Variants in LRP1 observed in about 807,000 individuals in gnomAD.
LRP1 encodes prolow-density lipoprotein receptor-related protein 1.
Under a neutral mutation model 541.5 loss-of-function variants are expected in LRP1, and 51 were observed. The ratio of observed to expected loss-of-function variants is 0.09; its 90% confidence interval spans 0.08 to 0.12. The LOEUF is 0.12. Among genes scored for constraint, LRP1 ranks in the 10% least tolerant of loss-of-function variants. The probability of loss-of-function intolerance (pLI) is 1.00; values close to 1 mark genes in which losing one functional copy is unlikely to be tolerated. For missense variants in LRP1, 3,878 were observed against 6,376.2 expected (o/e 0.61, Z 13.34); for synonymous variants, 2,219 against 2,470.8 (o/e 0.90, Z 3.02).
intron 60 of LRP1, 59 bp downstream of exon 60, chr12:57,198,729 A>C: frequency 6.7e-7 from 1 of 1,488,976 alleles, no homozygotes; most frequent in Non-Finnish European, 9.2e-7. Context: ...GGAGGTCTGA[A>C]GCGACAGGGG....
At chr12:57,175,192 A>G (rs1202805496) in intron 22 of LRP1, among the ~76,000 whole-genome samples, 1 of 151,972 alleles carries the variant, frequency 6.6e-6, no homozygotes, top group African/African-American at 2.4e-5. Flanking sequence ...GAGACCAGAC[A>G]GAGATATTGA....
rs2035585948 is a variant in LRP1, at chr12:57,154,689, C to T, written c.1215C>T (p.Ile405=). 3 of 1,560,542 alleles carry T rather than the reference C, an allele frequency of 1.9e-6. No homozygotes were observed. The change falls in exon 8 of 89, where the codon ATC becomes ATT. Residue 405 remains isoleucine (I), a synonymous_variant. Coordinates refer to ENST00000243077, the MANE Select transcript of LRP1 (RefSeq NM_002332.3). This position sits in a 1 kb window ranked among gnomAD's most constrained non-coding sequence, Gnocchi z 4.6. ...DYEGKGRQTI[I]QGILIEHLYG... Reference sequence around the variant, plus strand: ...AGGGCAAGGGCCGCCAGACCATCATCCAGGGCATCCTGGTGAGGGAGCTAC... The same window carrying T: ...AGGGCAAGGGCCGCCAGACCATCATTCAGGGCATCCTGGTGAGGGAGCTAC...
At chr12:57,194,260 G>T in intron 48 of LRP1, 94 bp from the exon 49 acceptor site, 2 of 1,398,252 alleles carry the variant, frequency 1.4e-6, no homozygotes, top group Non-Finnish European at 1.9e-6. Flanking sequence ...TTCAACTTTT[G>T]GAAACACATG....
intron 6 of LRP1, among the ~76,000 whole-genome samples, chr12:57,153,623 G>A (rs1450109250): frequency 6.6e-6 from 1 of 152,202 alleles, no homozygotes; most frequent in Admixed American, 6.5e-5. Context: ...AGTAGAGGAA[G>A]TTTGGCCCAT....
In LRP1 at chr12:57,173,479, CA is replaced by C; in HGVS notation, c.3346+133del. The C allele has an allele frequency of 2.9e-6, 3 of 1,028,848 alleles. No homozygotes were observed. The highest frequency in any genetic ancestry group is 4.2e-6 in the Non-Finnish European group (3 of 711,986). The allele number at this position is 1,028,848 out of a possible 1,614,324, so 63.7% of individuals were successfully genotyped here. ...GAGTGGTGCTGGGGACAGTGCAAGG[CA>C]AAAGGCAGTCCAGAGGAAGCTTGTG... On this transcript the variant is annotated intron_variant, in intron 21 of 88. Transcript: ENST00000243077. The surrounding 1 kb of genome is among the most constrained non-coding windows in gnomAD (Gnocchi z 4.7).
At chr12:57,138,313 A>C in intron 1 of LRP1, 146 bp from the exon 2 acceptor site, 2 of 953,678 alleles carry the variant, frequency 2.1e-6, no homozygotes, top group South Asian at 1.8e-5. Context: ...CCACCCCCTG[A>C]CACCCCCAGG....
Position 57,152,221 on chromosome 12 carries a change from TA to T in LRP1, c.842-1986del, listed in dbSNP as rs1165835967. ...TCTCTCTTGCCAAGAGAAGGGTGGA[TA>T]GGGGGAGCAGGGGCAGGGTATTGCC... On this transcript the variant is annotated intron_variant, in intron 6 of 88. Transcript: ENST00000243077. Among the ~76,000 whole-genome samples the T allele has an allele frequency of 4.0e-5, 6 of 151,800 alleles. No homozygotes were observed. The East Asian group carries it at 7.8e-4, about 20-fold the overall frequency.
chr12:57,195,515 G>A (rs2036512780), intron 52 of LRP1, 116 bp downstream of exon 52: 1 of 1,568,046 alleles, frequency 6.4e-7, no homozygotes. Context: ...ACTGGGGGCG[G>A]AGCCATAGCT....
Position 57,158,645 on chromosome 12 carries a change from G to T in LRP1, c.1798+7G>T, listed in dbSNP as rs766167564. On this transcript the variant is annotated splice_region_variant and intron_variant, in intron 11 of 88. Coordinates refer to ENST00000243077, the MANE Select transcript of LRP1 (RefSeq NM_002332.3). The surrounding 1 kb of genome is among the most constrained non-coding windows in gnomAD (Gnocchi z 5.3). ...GAGACCATCCTGAAGGACGGTATGG[G>T]CTCCTAGGGATGTGGCCCATGGGGA... 5 of 1,612,440 alleles carry T rather than the reference G, an allele frequency of 3.1e-6. No homozygotes were observed. Among genetic ancestry groups the T allele is most frequent in the Non-Finnish European group, 4.2e-6 (5 of 1,178,672 alleles).
chr12:57,207,373 G>A (rs773861545), intron 76 of LRP1, among the ~76,000 whole-genome samples: 39 of 151,432 alleles, frequency 2.6e-4, no homozygotes, highest in African/African-American at 4.6e-4. Flanking sequence ...GGTGGCGGGC[G>A]CCTGTAATCC....
intron 76 of LRP1, among the ~76,000 whole-genome samples, chr12:57,207,297 CTAAATAAATAAA>C (rs72030270): frequency 1.4e-4 from 19 of 134,458 alleles, no homozygotes; most frequent in African/African-American, 2.9e-4. Flanking sequence ...GACTCGGTCT[CTAAATAAATAAA>C]TAAATAAATA....
At position 57,210,140 on chromosome 12, in the gene LRP1, C is replaced by T; in HGVS notation, c.12551C>T (p.Pro4184Leu). 1.2e-6 allele frequency: 2 copies of T among 1,609,736 alleles called. No homozygotes were observed. The highest frequency in any genetic ancestry group is 1.7e-6 in the Non-Finnish European group (2 of 1,177,666). Residue 4184 changes from proline to leucine, a missense_variant, in exon 81 of 89, where the codon CCT (proline) becomes CTT (leucine). By Grantham distance (98) the Pro-to-Leu change is moderately conservative. Around this residue, in one of 13 missense-constraint regions of LRP1, gnomAD observed 871 missense variants for 1,212.4 expected, o/e 0.72. Transcript: ENST00000243077. ...CGGCTGGACAACGGCACATGCGTGC[C>T]TGTGCCCTCTCCAACGCCCCCCCCA... ...GKRLDNGTCVPVPSPTPPPDA... is the reference protein window; with the variant it reads ...GKRLDNGTCVLVPSPTPPPDA...
At position 57,208,802 on chromosome 12, in the gene LRP1, A is replaced by G; in HGVS notation, c.12130A>G (p.Ile4044Val). 1 of 1,613,862 alleles carries G rather than the reference A, an allele frequency of 6.2e-7. No homozygotes were observed. The highest frequency in any genetic ancestry group is 8.5e-7 in the Non-Finnish European group (1 of 1,179,848). ...TLRETLVQDNIQWPTGLAVDY... is the reference protein window; with the variant it reads ...TLRETLVQDNVQWPTGLAVDY... The stretch of plus-strand genomic sequence containing the variant: ...TCGGGAGACACTGGTGCAGGACAAC[A>G]TTCAGTGGCCCACAGGTTTGTGGGG... Residue 4044 changes from isoleucine (I) to valine (V), a missense_variant, in exon 78 of 89, where the codon ATT (isoleucine) becomes GTT (valine). Physicochemically the swap from Ile to Val is conservative, Grantham distance 29. Transcript: ENST00000243077.
Position 57,162,266 on chromosome 12 carries a change from G to A in LRP1, c.2203-51G>A, listed in dbSNP as rs1483267482. ...AATGTACAAAACAGTGATCTCACAGGCCTCCCTCAATTTTCTTCCAACTCC... is the reference window on the plus strand; with the variant it reads ...AATGTACAAAACAGTGATCTCACAGACCTCCCTCAATTTTCTTCCAACTCC... On this transcript the variant is annotated intron_variant, in intron 13 of 88. Coordinates refer to ENST00000243077, the MANE Select transcript of LRP1 (RefSeq NM_002332.3). The surrounding 1 kb of genome is among the most constrained non-coding windows in gnomAD (Gnocchi z 5.2). The A allele has an allele frequency of 1.4e-6, 2 of 1,444,970 alleles. No homozygotes were observed. The highest frequency in any genetic ancestry group is 1.9e-6 in the Non-Finnish European group (2 of 1,027,524). The allele number at this position is 1,444,970 out of a possible 1,614,324, so 89.5% of individuals were successfully genotyped here. A position where few individuals can be genotyped will look rare whatever the true frequency, so the allele number is the denominator to read the frequency against.
chr12:57,205,738 G>A lies in LRP1; in HGVS notation c.11590+61G>A, dbSNP rs2036763735. On this transcript the variant is annotated intron_variant, in intron 75 of 88. Coordinates refer to ENST00000243077, the MANE Select transcript of LRP1 (RefSeq NM_002332.3). This position sits in a 1 kb window ranked among gnomAD's most constrained non-coding sequence, Gnocchi z 4.6. ...GGGCAGGGCGACCAGGATATCAAAC[G>A]GGGCCGACTTGGAATGGAATGTCTT... The A allele has an allele frequency of 5.7e-6, 9 of 1,590,704 alleles. No individual in the cohort carries two copies. Among genetic ancestry groups the A allele is most frequent in the African/African-American group, 1.3e-5 (1 of 74,692 alleles).
At position 57,201,968 on chromosome 12, in the gene LRP1, G is replaced by C; in HGVS notation, c.10594+63G>C. ...CCTGGGTGGGAGGCATGGCACCCCT[G>C]GCAGGTGGAGGGCTGGGGGCCGCCT... On this transcript the variant is annotated intron_variant, in intron 67 of 88. Transcript: ENST00000243077. The surrounding 1 kb of genome is among the most constrained non-coding windows in gnomAD (Gnocchi z 6.4). The C allele has an allele frequency of 6.2e-7, 1 of 1,600,604 alleles. No homozygotes were observed. The highest frequency in any genetic ancestry group is 8.5e-7 in the Non-Finnish European group (1 of 1,170,516).
chr12:57,183,270 TGG>T lies in LRP1; in HGVS notation c.5663-102_5663-101del. ...GCTGGGTGGAGGATAGGGATGATGG[TGG>T]GGGGGGATGATATCAAAGGAGAAGC... On this transcript the variant is annotated intron_variant, in intron 34 of 88. Transcript: ENST00000243077. The surrounding 1 kb of genome is among the most constrained non-coding windows in gnomAD (Gnocchi z 6.1). The T allele has an allele frequency of 8.6e-7, 1 of 1,164,420 alleles. No individual in the cohort carries two copies. The highest frequency in any genetic ancestry group is 1.2e-6 in the Non-Finnish European group (1 of 811,572). 72.1% of individuals were successfully genotyped at this position (1,164,420 alleles called of 1,614,324 possible). A position where few individuals can be genotyped will look rare whatever the true frequency, so the allele number is the denominator to read the frequency against.
In LRP1 at chr12:57,158,316, G is replaced by T; in HGVS notation, c.1562-86G>T. ...CGTCTCCTGACCCATCACAGCTAGG[G>T]CATTGCAGCCCCTTGGCCGCAGCCC... On this transcript the variant is annotated intron_variant, in intron 10 of 88. Transcript: ENST00000243077. The surrounding 1 kb of genome is among the most constrained non-coding windows in gnomAD (Gnocchi z 5.3). 9.2e-7 allele frequency: 1 copy of T among 1,091,526 alleles called. No individual in the cohort carries two copies. Among genetic ancestry groups the T allele is most frequent in the Non-Finnish European group, 1.4e-6 (1 of 738,680 alleles). The allele number at this position is 1,091,526 out of a possible 1,614,324, so 67.6% of individuals were successfully genotyped here.
At position 57,135,719 on chromosome 12, in the gene LRP1, C is replaced by T. The variant is rs372880823; in HGVS notation, c.68-2740C>T. Among the ~76,000 whole-genome samples the T allele has an allele frequency of 1.1e-4, 16 of 152,234 alleles. 1 individual carries two copies. The East Asian group carries it at 1.3e-3, about 13-fold the overall frequency. ...CTCCTCTTCCTTTCACTTGTCCCAT[C>T]CCCCATCCCCTCCCTGCAAGAGCAC... On this transcript the variant is annotated intron_variant, in intron 1 of 88. Coordinates refer to ENST00000243077, the MANE Select transcript of LRP1 (RefSeq NM_002332.3).
Sources: allele counts gnomAD v4.1 joint callset (sites outside exome capture counted in the v4.1 genomes callset), GRCh38; gene constraint gnomAD v4.1.1; regional missense constraint gnomAD v4.1.1; non-coding constraint Gnocchi (gnomAD v3.1); transcripts MANE v1.5; gene names NCBI Gene and HGNC (gene_info 2026-07-23, HGNC 2026-07-21).